TMEM178B: variants seen among roughly 807,000 people sequenced by gnomAD.
TMEM178B encodes the protein transmembrane protein 178B.
In TMEM178B, 5 loss-of-function variants were observed where a neutral mutation model predicts 31.0. That is an observed-to-expected ratio of 0.16 (90% CI 0.08 to 0.34). The LOEUF (loss-of-function observed/expected upper bound fraction) is 0.34, where lower values mean the gene tolerates loss of function less well. Ranked by LOEUF, TMEM178B falls within the 10% of genes least tolerant of loss-of-function variation. The pLI is 1.00. For missense variants in TMEM178B, 275 were observed against 400.3 expected, an observed-to-expected ratio of 0.69 and a Z score of 2.67; for synonymous variants, 164 against 164.0, an observed-to-expected ratio of 1.00 and a Z score of 0.00.
intron 2 of TMEM178B, among the ~76,000 whole-genome samples, chr7:141,421,046 G>A (rs146701822): frequency 4.3e-4 from 65 of 152,190 alleles, no homozygotes; most frequent in Admixed American, 2.7e-3. Context: ...GCTATCTCCC[G>A]TTCCCAGGAC....
rs1198341230 is a variant in TMEM178B at position 141,437,658 on chromosome 7, C to A, written c.547C>A (p.Leu183Ile). 4 of 1,536,062 alleles carry A rather than the reference C, an allele frequency of 2.6e-6. No individual in the cohort carries two copies. Among genetic ancestry groups the A allele is most frequent in the Non-Finnish European group, 3.5e-6 (4 of 1,146,924 alleles). ...CATGGGCATGGCGGTGGCCATCATC[C>A]TCTTTGGCTGGATCATCGGCGTGCT... ...GFMGMAVAII[L>I]FGWIIGVLGC... The change falls in exon 3 of 4, where the codon CTC (leucine) becomes ATC (isoleucine). Residue 183 changes from leucine (L) to isoleucine (I), a missense_variant. Leu to Ile is a conservative substitution (Grantham distance 5). Transcript: ENST00000565468.
chr7:141,407,829 G>T (rs1005885110), intron 2 of TMEM178B, among the ~76,000 whole-genome samples: 5 of 152,170 alleles, frequency 3.3e-5, no homozygotes. Context: ...CAGAATCATA[G>T]AATTTTATAG....
At chr7:141,127,154 T>G (rs1351331248) in intron 1 of TMEM178B, among the ~76,000 whole-genome samples, 1 of 152,190 alleles carries the variant, frequency 6.6e-6, no homozygotes, top group Non-Finnish European at 1.5e-5. Context: ...CTTGGGCATT[T>G]GGTTCTCTTA....
chr7:141,104,504 G>A (rs915950558), intron 1 of TMEM178B, among the ~76,000 whole-genome samples: 13 of 152,192 alleles, frequency 8.5e-5, no homozygotes, highest in Non-Finnish European at 1.8e-4. Context: ...CTGCTGCTCT[G>A]TCTCTGCCCT....
chr7:141,494,174 A>G, the TMEM178B span, among the ~76,000 whole-genome samples: 8 of 152,352 alleles, frequency 5.3e-5, no homozygotes, highest in African/African-American at 1.9e-4. Context: ...GAAAGTACTT[A>G]TCTACCAAGA....
chr7:141,151,215 C>T (rs550103078), intron 1 of TMEM178B, among the ~76,000 whole-genome samples: 2 of 152,234 alleles, frequency 1.3e-5, no homozygotes, highest in African/African-American at 2.4e-5. Flanking sequence ...TAGAAATGGC[C>T]GTGGAGATAG....
At position 141,139,611 on chromosome 7, in the gene TMEM178B, G is replaced by A. The variant is rs186617292; in HGVS notation, c.382+64919G>A. ...TCTGCCTTGGCCTCCCAAAGTGCTG[G>A]GACTACAGGGATGAGCTGCCACACT... is the stretch of plus-strand genomic sequence containing the variant. On this transcript the variant is annotated intron_variant, in intron 1 of 3. Coordinates refer to ENST00000565468, the MANE Select transcript of TMEM178B (RefSeq NM_001195278.2). Among the ~76,000 whole-genome samples the A allele has an allele frequency of 2.1e-3, 312 of 152,154 alleles. 3 individuals carry two copies. Among genetic ancestry groups the A allele is most frequent in the African/African-American group, 7.0e-3 (291 of 41,508 alleles).
chr7:141,181,262 G>T (rs1796525885), intron 1 of TMEM178B, among the ~76,000 whole-genome samples: 1 of 152,184 alleles, frequency 6.6e-6, no homozygotes, highest in Non-Finnish European at 1.5e-5. Flanking sequence ...AGCCCTTTGA[G>T]GCCTCAACAC....
At chr7:141,436,824 C>T (rs1036843543) in intron 2 of TMEM178B, among the ~76,000 whole-genome samples, 6 of 152,160 alleles carry the variant, frequency 3.9e-5, no homozygotes, top group Non-Finnish European at 8.8e-5. Context: ...AGACAACCCT[C>T]TTCCTCCTGG....
chr7:141,092,597 A>G (rs777053318), intron 1 of TMEM178B, among the ~76,000 whole-genome samples: 1 of 152,228 alleles, frequency 6.6e-6, no homozygotes, highest in Non-Finnish European at 1.5e-5. Context: ...ACATGTCATA[A>G]TTTGTACAGG....
At chr7:141,108,165 G>T (rs1479636275) in intron 1 of TMEM178B, among the ~76,000 whole-genome samples, 1 of 152,144 alleles carries the variant, frequency 6.6e-6, no homozygotes, top group African/African-American at 2.4e-5. Context: ...TTAAGAGAGA[G>T]AACTCTTTAA....
intron 2 of TMEM178B, among the ~76,000 whole-genome samples, chr7:141,392,015 C>T (rs1355249631): frequency 6.6e-6 from 1 of 151,638 alleles, no homozygotes; most frequent in African/African-American, 2.4e-5. Flanking sequence ...TGTTGGAATC[C>T]CTGCTTTCAC....
At chr7:141,340,688 C>T (rs914028840) in intron 2 of TMEM178B, among the ~76,000 whole-genome samples, 1 of 152,136 alleles carries the variant, frequency 6.6e-6, no homozygotes, top group African/African-American at 2.4e-5. Flanking sequence ...AACAGAAAAA[C>T]ACTAAAGTAA....
rs1801157030 is a variant in TMEM178B at position 141,419,246 on chromosome 7, G to A, written c.497-18362G>A. ...TTCCATCATGCCCCTCCAAAAAAAA[G>A]AAAGAAAAAGAAACCCCAAAAGAAA... On this transcript the variant is annotated intron_variant, in intron 2 of 3. Transcript: ENST00000565468. Among the ~76,000 whole-genome samples, 3 of 152,022 alleles carry A rather than the reference G, an allele frequency of 2.0e-5. No individual in the cohort carries two copies. In the South Asian group the frequency reaches 6.2e-4, roughly 32 times the overall value.
At chr7:141,436,780 G>T (rs1801551506) in intron 2 of TMEM178B, among the ~76,000 whole-genome samples, 1 of 152,196 alleles carries the variant, frequency 6.6e-6, no homozygotes, top group South Asian at 2.1e-4. Context: ...CAACAGCTCT[G>T]CCCTCTCCCT....
intron 2 of TMEM178B, among the ~76,000 whole-genome samples, chr7:141,432,485 T>A (rs1233230451): frequency 6.6e-6 from 1 of 152,300 alleles, no homozygotes; most frequent in African/African-American, 2.4e-5. Flanking sequence ...CACTCTACTG[T>A]GTGCGTTTTG....
At position 141,461,289 on chromosome 7, in the gene TMEM178B, G is replaced by A. The variant is rs1802055246; in HGVS notation, c.635-9247G>A. Among the ~76,000 whole-genome samples the A allele has an allele frequency of 6.6e-6, 1 of 152,192 alleles. No homozygotes were observed. Among genetic ancestry groups the A allele is most frequent in the African/African-American group, 2.4e-5 (1 of 41,448 alleles). On this transcript the variant is annotated intron_variant, in intron 3 of 3. Coordinates refer to ENST00000565468, the MANE Select transcript of TMEM178B (RefSeq NM_001195278.2). The surrounding 1 kb of genome is among the most constrained non-coding windows in gnomAD (Gnocchi z 4.0). ...CCTTGCAGCGACCTGTAGGGCTCCA[G>A]TCAGAACATAGGCCCTCTCTCCACA...
At chr7:141,307,031 G>A (rs1197628104) in intron 2 of TMEM178B, among the ~76,000 whole-genome samples, 1 of 152,080 alleles carries the variant, frequency 6.6e-6, no homozygotes, top group Non-Finnish European at 1.5e-5. Context: ...GTTTTCTTGA[G>A]GACAGAGATC....
intron 2 of TMEM178B, among the ~76,000 whole-genome samples, chr7:141,216,503 T>C (rs1252050635): frequency 6.8e-6 from 1 of 146,908 alleles, no homozygotes; most frequent in African/African-American, 2.5e-5. Context: ...AAGGGTGATC[T>C]TTGTGGATGA....
Sources: gnomAD v4.1 joint callset for allele counts (sites outside exome capture counted in the v4.1 genomes callset) on GRCh38, gnomAD v4.1.1 for gene constraint, Gnocchi (gnomAD v3.1) non-coding constraint, MANE v1.5 for transcripts, NCBI Gene and HGNC (gene_info 2026-07-23, HGNC 2026-07-21) for gene names.